Variants in SLC41A3 observed in about 807,000 individuals in gnomAD.
SLC41A3 encodes SLC41A1-like 2.
Under a neutral mutation model 45.4 loss-of-function variants are expected in SLC41A3, and 44 were observed. That is an observed-to-expected ratio of 0.97 (90% CI 0.76 to 1.25). SLC41A3 has a LOEUF of 1.25. Among genes scored for constraint, SLC41A3 ranks in the 50% most tolerant of loss-of-function variants. The probability of loss-of-function intolerance (pLI) is 0.00; values close to 1 mark genes in which losing one functional copy is unlikely to be tolerated. For missense variants in SLC41A3, 550 were observed against 600.6 expected, an observed-to-expected ratio of 0.92 and a Z score of 0.88; for synonymous variants, 256 against 252.4, an observed-to-expected ratio of 1.01 and a Z score of -0.13.
chr3:126,009,057 C>T (rs946766006), intron 9 of SLC41A3, among the ~76,000 whole-genome samples, 177 bp from the exon 10 acceptor site: 4 of 152,028 alleles, frequency 2.6e-5, no homozygotes, highest in African/African-American at 7.3e-5. Context: ...CCCCTTCCCT[C>T]GTGGAGCTGA....
intron 9 of SLC41A3, among the ~76,000 whole-genome samples, chr3:126,010,691 C>T (rs1939616405): frequency 6.6e-6 from 1 of 152,232 alleles, no homozygotes; most frequent in African/African-American, 2.4e-5. Flanking sequence ...ACTTTCATCT[C>T]TACCCAGTGC....
rs751895723 is a variant in SLC41A3, at chr3:126,015,515, T to C, written c.949A>G (p.Ile317Val). The C allele has an allele frequency of 1.3e-5, 21 of 1,614,164 alleles. No individual in the cohort carries two copies. In the South Asian group the frequency reaches 2.3e-4, roughly 18 times the overall value. ...VSKQQYKGMA[I>V]FTPVICGVGG... is the part of the protein sequence containing the mutation. The stretch of plus-strand genomic sequence containing the variant: ...GTACCACATATGACGGGGGTAAATA[T>C]CGCCATGCCTTTGTACTGCTGTTTA... Residue 317 changes from isoleucine to valine, a missense_variant, in exon 8 of 11, where the codon ATA (isoleucine) becomes GTA (valine). By Grantham distance (29) the Ile-to-Val change is conservative. Coordinates refer to ENST00000360370, the MANE Select transcript of SLC41A3 (RefSeq NM_017836.4).
chr3:126,097,302 C>T (rs1354502516), intron 1 of SLC41A3, among the ~76,000 whole-genome samples: 1 of 152,178 alleles, frequency 6.6e-6, no homozygotes, highest in Non-Finnish European at 1.5e-5. Context: ...TGCCTCTTAA[C>T]ATGCATGCCC....
At chr3:126,071,542 T>C (rs918800382) in intron 1 of SLC41A3, among the ~76,000 whole-genome samples, 2 of 152,188 alleles carry the variant, frequency 1.3e-5, no homozygotes, top group Non-Finnish European at 2.9e-5. Flanking sequence ...TATAAACCAA[T>C]TAGATCAAAC....
At chr3:126,050,471 C>T (rs573021953) in intron 3 of SLC41A3, among the ~76,000 whole-genome samples, 81 of 152,314 alleles carry the variant, frequency 5.3e-4, no homozygotes, top group Admixed American at 9.8e-4. Context: ...GAGAAGACAC[C>T]TCCAGTGATC....
At chr3:126,015,664 C>T in intron 7 of SLC41A3, 91 bp from the exon 8 acceptor site, 3 of 1,270,636 alleles carry the variant, frequency 2.4e-6, no homozygotes, top group Admixed American at 1.8e-5. Context: ...TTCAGCCCAG[C>T]TTCCCATCCT....
At chr3:126,077,944 CG>C (rs1476201556) in intron 1 of SLC41A3, among the ~76,000 whole-genome samples, 2 of 152,190 alleles carry the variant, frequency 1.3e-5, no homozygotes, top group Non-Finnish European at 2.9e-5. Context: ...GTGGCAGGAA[CG>C]GTGCCCCTCA....
Position 126,008,738 on chromosome 3 carries a change from C to A in SLC41A3, c.1248G>T (p.Leu416=). ...TTGCTGCAGCCAGGCTTACCTGGAT[C>A]AGGCCTGCCAGCAGGTAGAGCACCA... ...TFVVLYLLAG[L]IQVTILLYLA... Residue 416 remains leucine, a synonymous_variant, in exon 10 of 11, where the codon CTG becomes CTT. Coordinates refer to ENST00000360370, the MANE Select transcript of SLC41A3 (RefSeq NM_017836.4). The A allele has an allele frequency of 1.2e-6, 2 of 1,613,878 alleles. No homozygotes were observed. Among genetic ancestry groups the A allele is most frequent in the South Asian group, 2.2e-5 (2 of 91,056 alleles).
chr3:126,069,896 A>G (rs1401907211), intron 1 of SLC41A3, among the ~76,000 whole-genome samples: 5 of 152,194 alleles, frequency 3.3e-5, no homozygotes, highest in Non-Finnish European at 4.4e-5. Flanking sequence ...AGAATTGCTG[A>G]ACTGAAAGAT....
At chr3:126,028,148 T>C (rs2107739249) in intron 4 of SLC41A3, among the ~76,000 whole-genome samples, 1 of 152,214 alleles carries the variant, frequency 6.6e-6, no homozygotes, top group East Asian at 1.9e-4. Flanking sequence ...TTTACATAAA[T>C]AAAAAGGAGC....
intron 4 of SLC41A3, among the ~76,000 whole-genome samples, chr3:126,028,956 TG>T (rs1941586172): frequency 6.6e-6 from 1 of 152,234 alleles, no homozygotes; most frequent in Non-Finnish European, 1.5e-5. Context: ...CCCTTTGAAA[TG>T]GGAGTATTTA....
intron 1 of SLC41A3, chr3:126,095,362 C>G (rs993323962): frequency 1.8e-6 from 1 of 545,128 alleles, no homozygotes; most frequent in African/African-American, 1.9e-5. Flanking sequence ...AACACAACCA[C>G]CCACCGGAGG....
intron 3 of SLC41A3, among the ~76,000 whole-genome samples, chr3:126,041,746 C>CA (rs1398013325): frequency 2.0e-5 from 3 of 152,186 alleles, no homozygotes; most frequent in Non-Finnish European, 4.4e-5. Flanking sequence ...AGGAAGCTGA[C>CA]AAAGAGTGGC....
At chr3:126,075,328 T>C (rs1293943585) in intron 1 of SLC41A3, among the ~76,000 whole-genome samples, 2 of 152,236 alleles carry the variant, frequency 1.3e-5, no homozygotes, top group East Asian at 3.9e-4. Flanking sequence ...ATGCAAGAAA[T>C]GAAGAAAACT....
rs956034002 is a variant in SLC41A3 at position 126,012,244 on chromosome 3, A to G, written c.1105+371T>C. Among the ~76,000 whole-genome samples, 5 of 152,080 alleles carry G rather than the reference A, an allele frequency of 3.3e-5. No homozygotes were observed. The East Asian group carries it at 9.6e-4, about 29-fold the overall frequency. ...GGAGGAGCTTCCTTATCCCAAGTGTATTTCCTCTAATTCTTTTTCACTGCA... is the reference window on the plus strand; with the variant it reads ...GGAGGAGCTTCCTTATCCCAAGTGTGTTTCCTCTAATTCTTTTTCACTGCA... On this transcript the variant is annotated intron_variant, in intron 9 of 10. Coordinates refer to ENST00000360370, the MANE Select transcript of SLC41A3 (RefSeq NM_017836.4).
At position 126,026,551 on chromosome 3, in the gene SLC41A3, C is replaced by A; in HGVS notation, c.454-72G>T. 3 of 1,544,466 alleles carry A rather than the reference C, an allele frequency of 1.9e-6. No individual in the cohort carries two copies. The highest frequency in any genetic ancestry group is 2.7e-5 in the African/African-American group (2 of 73,486). On this transcript the variant is annotated intron_variant, in intron 4 of 10. Transcript: ENST00000360370. This position sits in a 1 kb window ranked among gnomAD's most constrained non-coding sequence, Gnocchi z 4.2. ...GCCACACTCCCTGCCCTTCACACCT[C>A]ACTCACCGCAAGGGGCCGGGTGCCA...
intron 2 of SLC41A3, chr3:126,056,897 C>T: frequency 8.8e-7 from 1 of 1,131,180 alleles, no homozygotes; most frequent in Non-Finnish European, 1.1e-6. Context: ...CATGGTCCCT[C>T]TGCACCGGCC....
intron 3 of SLC41A3, among the ~76,000 whole-genome samples, chr3:126,035,466 A>G (rs1019444590): frequency 3.9e-5 from 6 of 152,216 alleles, no homozygotes; most frequent in African/African-American, 1.4e-4. Context: ...CCGCTACCTA[A>G]GAGAAACAAT....
At chr3:126,074,265 AATG>A in intron 1 of SLC41A3, among the ~76,000 whole-genome samples, 1 of 151,958 alleles carries the variant, frequency 6.6e-6, no homozygotes, top group Middle Eastern at 3.4e-3. Flanking sequence ...GATATTTGAT[AATG>A]ATAAGAGGAA....
Sources: allele counts gnomAD v4.1 joint callset (sites outside exome capture counted in the v4.1 genomes callset), GRCh38; gene constraint gnomAD v4.1.1; non-coding constraint Gnocchi (gnomAD v3.1); transcripts MANE v1.5; gene names NCBI Gene and HGNC (gene_info 2026-07-23, HGNC 2026-07-21).